The following DMD variants were observed in gnomAD, a reference collection of about 807,000 sequenced individuals.
The protein encoded by DMD is mutant dystrophin.
Under a neutral mutation model 330.1 loss-of-function variants are expected in DMD, and 63 were observed. That is an observed-to-expected ratio of 0.19 (90% CI 0.16 to 0.24). DMD has a LOEUF of 0.24. DMD is among the 10% of genes least tolerant of loss of function. The pLI, the probability that DMD is intolerant of heterozygous loss-of-function variation, is 1.00. For missense variants in DMD, 3,344 were observed against 2,684.1 expected, an observed-to-expected ratio of 1.25 and a Z score of -5.43; for synonymous variants, 1,223 against 959.8, an observed-to-expected ratio of 1.27 and a Z score of -5.07.
intron 9 of DMD, among the ~76,000 whole-genome samples, chrX:32,667,589 T>C (rs1362806184): frequency 9.0e-6 from 1 of 111,488 alleles, no homozygotes; most frequent in Admixed American, 9.6e-5. Flanking sequence ...AATCATCTAA[T>C]ACTGCACTAA....
chrX:32,226,953 A>AAGAT (rs1388445116), intron 43 of DMD, among the ~76,000 whole-genome samples: 2 of 109,465 alleles, frequency 1.8e-5, no homozygotes, highest in East Asian at 5.8e-4. Context: ...ATGATTCTTA[A>AAGAT]AGATAAATAA....
chrX:33,048,197 A>C (rs772409354), intron 1 of DMD, among the ~76,000 whole-genome samples: 1 of 111,876 alleles, frequency 8.9e-6, no homozygotes, highest in African/African-American at 3.2e-5. Flanking sequence ...TTTTGTGTTT[A>C]TTTGTTGATT....
chrX:32,313,293 CA>C (rs1427142698), intron 41 of DMD, among the ~76,000 whole-genome samples: 2 of 110,437 alleles, frequency 1.8e-5, no homozygotes, highest in South Asian at 3.8e-4. Flanking sequence ...AACCAATGAC[CA>C]AAAAAACCAC....
chrX:32,827,457 A>C (rs1459160581), intron 4 of DMD, among the ~76,000 whole-genome samples: 1 of 110,571 alleles, frequency 9.0e-6, no homozygotes, highest in African/African-American at 3.3e-5. Flanking sequence ...TAGGTTCAGG[A>C]GTACATGTGC....
intron 3 of DMD, among the ~76,000 whole-genome samples, chrX:32,847,592 G>C (rs1018720635): frequency 5.3e-5 from 6 of 112,174 alleles, no homozygotes; most frequent in Non-Finnish European, 1.1e-4. Context: ...AGGTGATTCT[G>C]CTTTATGAGA....
At chrX:31,380,574 C>G (rs1216908270) in intron 60 of DMD, among the ~76,000 whole-genome samples, 2 of 111,229 alleles carry the variant, frequency 1.8e-5, no homozygotes, top group Non-Finnish European at 3.8e-5. Context: ...CCTATAAACT[C>G]CCCTTACAAT....
chrX:33,267,637 A>G (rs1283690184), intron 1 of DMD, among the ~76,000 whole-genome samples: 1 of 111,902 alleles, frequency 8.9e-6, no homozygotes, highest in African/African-American at 3.2e-5. Flanking sequence ...AGTACATCAC[A>G]CTATAGAACT....
chrX:33,105,043 A>G (rs1331540072), intron 1 of DMD, among the ~76,000 whole-genome samples: 2 of 112,422 alleles, frequency 1.8e-5, no homozygotes, highest in African/African-American at 6.5e-5. Context: ...AGGTTTATCC[A>G]TAGTTCCAAT....
intron 9 of DMD, among the ~76,000 whole-genome samples, chrX:32,689,200 C>T (rs1486067314): frequency 5.4e-5 from 6 of 110,656 alleles, no homozygotes; most frequent in Non-Finnish European, 9.5e-5. Flanking sequence ...AAGTTACTTA[C>T]ACTAAATCAT....
intron 1 of DMD, among the ~76,000 whole-genome samples, chrX:33,186,470 A>C (rs2050268084): frequency 9.0e-6 from 1 of 111,122 alleles, no homozygotes; most frequent in Non-Finnish European, 1.9e-5. Flanking sequence ...GTGAAACAAG[A>C]AATAGCAGTC....
rs373728441 is a variant in DMD, at chrX:33,194,859, C to T, written c.31+16423G>A. On this transcript the variant is annotated intron_variant, in intron 1 of 78. Coordinates refer to ENST00000357033, the MANE Select transcript of DMD (RefSeq NM_004006.3). The stretch of plus-strand genomic sequence containing the variant: ...CATTATTACATGAATAATATGTTAA[C>T]GTAATATACAAAATATAGTTCATAT... 4.5e-5 allele frequency among the ~76,000 whole-genome samples: 5 copies of T among 111,238 alleles called. No individual in the cohort carries two copies. The East Asian group carries it at 1.1e-3, about 25-fold the overall frequency.
chrX:32,541,250 C>T (rs1362519958), intron 17 of DMD, among the ~76,000 whole-genome samples: 1 of 110,582 alleles, frequency 9.0e-6, no homozygotes. Flanking sequence ...TAGATGACTA[C>T]CATCTCCATC....
chrX:33,112,245 T>G (rs1356272652), intron 1 of DMD, among the ~76,000 whole-genome samples: 2 of 111,194 alleles, frequency 1.8e-5, no homozygotes, highest in East Asian at 5.6e-4. Flanking sequence ...TGGTTCCTAA[T>G]GTATATATTA....
chrX:32,823,536 C>T (rs1414606429), intron 4 of DMD, 149 bp from the exon 5 acceptor site: 11 of 454,729 alleles, frequency 2.4e-5, no homozygotes, highest in Non-Finnish European at 4.2e-5. Context: ...AAAAATTAAA[C>T]AAAATGCATG....
chrX:32,149,589 G>GT (rs1326187502), intron 44 of DMD, among the ~76,000 whole-genome samples: 1 of 111,679 alleles, frequency 9.0e-6, no homozygotes, highest in Non-Finnish European at 1.9e-5. Flanking sequence ...TAGGCACGTG[G>GT]TAAGTGTTTG....
chrX:32,998,368 CAAAAAAAAAAAA>C (rs35708010), intron 2 of DMD, among the ~76,000 whole-genome samples: 3 of 34,684 alleles, frequency 8.6e-5, no homozygotes, highest in Middle Eastern at 0.017. Context: ...GACCCAGTGT[CAAAAAAAAAAAA>C]AAAAAAAAAA....
chrX:32,303,237 C>T (rs1345701508), intron 42 of DMD, among the ~76,000 whole-genome samples: 2 of 111,082 alleles, frequency 1.8e-5, no homozygotes, highest in South Asian at 3.8e-4. Context: ...TTAGTACCAG[C>T]GCTTACTAAC....
At chrX:31,231,477 T>C (rs2047197707) in intron 63 of DMD, among the ~76,000 whole-genome samples, 1 of 112,393 alleles carries the variant, frequency 8.9e-6, no homozygotes, top group African/African-American at 3.2e-5. Flanking sequence ...ATTGTGCATG[T>C]ACTATAAGCC....
At chrX:32,271,550 T>G (rs1478404918) in intron 43 of DMD, among the ~76,000 whole-genome samples, 3 of 112,926 alleles carry the variant, frequency 2.7e-5, no homozygotes, top group Non-Finnish European at 5.6e-5. Flanking sequence ...ATTTGCAACT[T>G]TCATAGGGTA....
Sources: allele counts gnomAD v4.1 joint callset (sites outside exome capture counted in the v4.1 genomes callset), GRCh38; gene constraint gnomAD v4.1.1; transcripts MANE v1.5; gene names NCBI Gene and HGNC (gene_info 2026-07-23, HGNC 2026-07-21).